STK25: variants seen among roughly 807,000 people sequenced by gnomAD.
The protein encoded by STK25 is serine/threonine-protein kinase 25.
STK25 carries 29 observed loss-of-function variants against 53.8 expected under a neutral mutation model. The observed-to-expected ratio is 0.54, with a 90% CI of 0.40 to 0.74. The LOEUF is 0.74. STK25 is among the 30% of genes least tolerant of loss of function. STK25 has a pLI of 0.00. For missense variants in STK25, 420 were observed against 568.0 expected (o/e 0.74, Z 2.65); for synonymous variants, 247 against 238.3 (o/e 1.04, Z -0.33).
chr2:241,496,603 C>A lies in STK25; in HGVS notation c.1105-69G>T. On this transcript the variant is annotated intron_variant, in intron 10 of 11. Transcript: ENST00000316586. The surrounding 1 kb of genome is among the most constrained non-coding windows in gnomAD (Gnocchi z 5.8). The stretch of plus-strand genomic sequence containing the variant: ...CCTTCAGGGAGCCTGCTCCTTTGCT[C>A]GGCCACAGTGATGCCGGAGGCCTTC... 1 of 1,553,176 alleles carries A rather than the reference C, an allele frequency of 6.4e-7. No homozygotes were observed. Among genetic ancestry groups the A allele is most frequent in the South Asian group, 1.2e-5 (1 of 86,214 alleles).
At chr2:241,499,874 T>TA (rs1355747517) in intron 5 of STK25, 2 of 504,048 alleles carry the variant, frequency 4.0e-6, no homozygotes, top group African/African-American at 1.9e-5. Flanking sequence ...ACGCTGGGGC[T>TA]ACTCAATTCT....
chr2:241,495,506 C>CGGTGACCT lies in STK25; in HGVS notation c.*148_*155dup, dbSNP rs927416125. On this transcript the variant is annotated 3_prime_UTR_variant, in exon 12 of 12. Transcript: ENST00000316586. ...AGCACACTGCAGGGGTGGAAGGAGA[C>CGGTGACCT]GGTGACCTGGTGACCTGGCATGTGA... The CGGTGACCT allele has an allele frequency of 2.5e-5, 18 of 724,250 alleles. No homozygotes were observed. The highest frequency in any genetic ancestry group is 2.0e-4 in the Admixed American group (9 of 46,072). The allele number at this position is 724,250 out of a possible 1,614,324, so 44.9% of individuals were successfully genotyped here. A position where few individuals can be genotyped will look rare whatever the true frequency, so the allele number is the denominator to read the frequency against.
chr2:241,498,121 C>G, intron 9 of STK25, 114 bp downstream of exon 9: 1 of 1,023,352 alleles, frequency 9.8e-7, no homozygotes, highest in Non-Finnish European at 1.5e-6. Flanking sequence ...CCCTGCCTTT[C>G]CCAAGCTCCT....
At chr2:241,499,606 C>T in intron 5 of STK25, 192 bp from the exon 6 acceptor site, 1 of 659,544 alleles carries the variant, frequency 1.5e-6, no homozygotes, top group Non-Finnish European at 2.5e-6. Context: ...CAGCAGGAGC[C>T]CAACGGCTCC....
chr2:241,493,404 G>A lies in STK25; in HGVS notation c.*2258C>T, dbSNP rs140222530. 215 of 1,613,954 alleles carry A rather than the reference G, an allele frequency of 1.3e-4. 1 individual carries two copies. The African/African-American group carries it at 2.1e-3, about 16-fold the overall frequency. On this transcript the variant is annotated 3_prime_UTR_variant, in exon 12 of 12. Coordinates refer to ENST00000316586, the MANE Select transcript of STK25 (RefSeq NM_001271977.2). The stretch of plus-strand genomic sequence containing the variant: ...TTTCAAGCTCCAGTTCAAATCCCAC[G>A]TCTACTTCTTCCGGGCTGAGAGCAA...
upstream of STK25, among the ~76,000 whole-genome samples, chr2:241,508,871 C>G (rs2066016623): frequency 6.6e-6 from 1 of 152,024 alleles, no homozygotes; most frequent in South Asian, 2.1e-4. Flanking sequence ...CTCGCCCTCG[C>G]GGGTCTTCTG....
At chr2:241,509,128 C>T (rs1466047438), upstream of STK25, 3 of 152,388 alleles carry the variant, frequency 2.0e-5, no homozygotes, top group East Asian at 5.8e-4. Context: ...CGGGATCACG[C>T]GCACAGGCCA....
In STK25 at chr2:241,499,298, TC is replaced by T. The variant is rs773754293; in HGVS notation, c.543del (p.Trp181Ter). On this transcript the variant is annotated frameshift_variant, in exon 6 of 12. Coordinates refer to ENST00000316586, the MANE Select transcript of STK25 (RefSeq NM_001271977.2). LOFTEE classifies it high-confidence loss of function. ...KRNTFVGTPF[W>X]MAPEVIKQSA... The stretch of plus-strand genomic sequence containing the variant: ...GACTGCTTGATGACCTCAGGTGCCA[TC>T]CAGAAGGGGGTGCCCACGAATGTGT... 1.2e-6 allele frequency: 2 copies of T among 1,613,880 alleles called. No individual in the cohort carries two copies. The highest frequency in any genetic ancestry group is 2.7e-5 in the African/African-American group (2 of 74,880).
rs1574925877 is a variant in STK25, at chr2:241,493,598, T to G, written c.*2064A>C. The G allele has an allele frequency of 2.5e-5, 3 of 119,962 alleles. No individual in the cohort carries two copies. Among genetic ancestry groups the G allele is most frequent in the African/African-American group, 9.9e-5 (2 of 20,192 alleles). 7.4% of individuals were successfully genotyped at this position (119,962 alleles called of 1,614,324 possible). A position where few individuals can be genotyped will look rare whatever the true frequency, so the allele number is the denominator to read the frequency against. Reference sequence around the variant, plus strand: ...ATTTCCAAAAAACAGCAATGCTTTGTTTTTTTTTTTTTTGGAGATGGCGTC... The same window carrying G: ...ATTTCCAAAAAACAGCAATGCTTTGGTTTTTTTTTTTTTGGAGATGGCGTC... On this transcript the variant is annotated 3_prime_UTR_variant, in exon 12 of 12. Coordinates refer to ENST00000316586, the MANE Select transcript of STK25 (RefSeq NM_001271977.2).
rs188711057 is a variant in STK25, at chr2:241,501,031, C to G, written c.262-235G>C. 288 of 587,856 alleles carry G rather than the reference C, an allele frequency of 4.9e-4. No individual in the cohort carries two copies. The highest frequency in any genetic ancestry group is 2.8e-3 in the Admixed American group (91 of 32,960). 36.4% of individuals were successfully genotyped at this position (587,856 alleles called of 1,614,324 possible). ...CACACAGCAGTGGCTGACTCCACTT[C>G]ACCAAGACCCCATCAAAAACCAGGC... On this transcript the variant is annotated intron_variant, in intron 3 of 11. Transcript: ENST00000316586. The surrounding 1 kb of genome is among the most constrained non-coding windows in gnomAD (Gnocchi z 5.3).
Position 241,493,006 on chromosome 2 carries a change from C to A in STK25, c.*2656G>T, listed in dbSNP as rs775582552. 2.2e-5 allele frequency: 35 copies of A among 1,608,764 alleles called. No homozygotes were observed. In the Admixed American group the frequency reaches 5.7e-4, roughly 26 times the overall value. ...AGAAGCTCTGGGTCGTCTTTACCAA[C>A]TTCTGTTTGTTCTTCTACAAAACTC... On this transcript the variant is annotated 3_prime_UTR_variant, in exon 12 of 12. Coordinates refer to ENST00000316586, the MANE Select transcript of STK25 (RefSeq NM_001271977.2).
chr2:241,498,136 C>T, intron 9 of STK25, 99 bp downstream of exon 9: 1 of 1,181,524 alleles, frequency 8.5e-7, no homozygotes, highest in Non-Finnish European at 1.3e-6. Flanking sequence ...GCTCCTTGTC[C>T]AAGCTCCAGA....
chr2:241,501,105 T>TGTGACCCGACACACCC lies in STK25; in HGVS notation c.262-325_262-310dup. Reference sequence around the variant, plus strand: ...GGGAAGAGGGCATGGCTGGCAAGCATGTGACCCGACACACCCATCACCCTC... The same window carrying TGTGACCCGACACACCC: ...GGGAAGAGGGCATGGCTGGCAAGCATGTGACCCGACACACCCGTGACCCGACACACCCATCACCCTC... On this transcript the variant is annotated intron_variant, in intron 3 of 11. Coordinates refer to ENST00000316586, the MANE Select transcript of STK25 (RefSeq NM_001271977.2). This position sits in a 1 kb window ranked among gnomAD's most constrained non-coding sequence, Gnocchi z 5.3. 1 of 555,700 alleles carries TGTGACCCGACACACCC rather than the reference T, an allele frequency of 1.8e-6. No homozygotes were observed. The allele number at this position is 555,700 out of a possible 1,614,324, so 34.4% of individuals were successfully genotyped here.
intron 2 of STK25, among the ~76,000 whole-genome samples, chr2:241,505,327 A>G (rs2065760516): frequency 1.3e-5 from 2 of 151,788 alleles, no homozygotes; most frequent in South Asian, 4.2e-4. Flanking sequence ...CCTCAACCCA[A>G]CCCTGCCCAA....
At chr2:241,503,716 A>G (rs2065648960) in intron 2 of STK25, among the ~76,000 whole-genome samples, 1 of 144,880 alleles carries the variant, frequency 6.9e-6, no homozygotes, top group Non-Finnish European at 1.5e-5. Context: ...AAAAAAAAAA[A>G]AGGCAAAACG....
At chr2:241,497,711 G>C (rs760956709) in intron 9 of STK25, 24 bp from the exon 10 acceptor site, 1 of 1,611,570 alleles carries the variant, frequency 6.2e-7, no homozygotes, top group South Asian at 1.1e-5. Context: ...GAGGCCCAGG[G>C]TGAGCAGGGC....
chr2:241,494,871 TC>T lies in STK25; in HGVS notation c.*790del, dbSNP rs2065063960. ...CATTCTCCTCTGCCTGCTCTGTTCT[TC>T]CGGTGGGCCAAGCAGAGCCCAGGAA... is the stretch of plus-strand genomic sequence containing the variant. On this transcript the variant is annotated 3_prime_UTR_variant, in exon 12 of 12. Transcript: ENST00000316586. This position sits in a 1 kb window ranked among gnomAD's most constrained non-coding sequence, Gnocchi z 4.9. 3 of 152,270 alleles carry T rather than the reference TC, an allele frequency of 2.0e-5. No homozygotes were observed. In the South Asian group the frequency reaches 6.2e-4, roughly 32 times the overall value. The allele number at this position is 152,270 out of a possible 1,614,324, so 9.4% of individuals were successfully genotyped here. A position where few individuals can be genotyped will look rare whatever the true frequency, so the allele number is the denominator to read the frequency against.
chr2:241,492,931 C>G lies in STK25; in HGVS notation c.*2731G>C. The G allele has an allele frequency of 6.3e-7, 1 of 1,599,396 alleles. No individual in the cohort carries two copies. The highest frequency in any genetic ancestry group is 1.1e-5 in the South Asian group (1 of 90,710). On this transcript the variant is annotated 3_prime_UTR_variant, in exon 12 of 12. Coordinates refer to ENST00000316586, the MANE Select transcript of STK25 (RefSeq NM_001271977.2). ...CTGCATTTTTCCTTTATTGACAGAACCAGCTTTCAGGATATCTGCTAAGAA... is the reference window on the plus strand; with the variant it reads ...CTGCATTTTTCCTTTATTGACAGAAGCAGCTTTCAGGATATCTGCTAAGAA...
At chr2:241,504,034 C>G (rs1366529166) in intron 2 of STK25, 1 of 471,110 alleles carries the variant, frequency 2.1e-6, no homozygotes, top group Non-Finnish European at 4.4e-6. Flanking sequence ...ACACAGGCCC[C>G]CACCTTGAAA....
Sources: allele counts gnomAD v4.1 joint callset (sites outside exome capture counted in the v4.1 genomes callset), GRCh38; gene constraint gnomAD v4.1.1; non-coding constraint Gnocchi (gnomAD v3.1); transcripts MANE v1.5; gene names NCBI Gene and HGNC (gene_info 2026-07-23, HGNC 2026-07-21).